The following JAKMIP1 variants were observed in gnomAD, a reference collection of about 807,000 sequenced individuals.
JAKMIP1 encodes the protein janus kinase and microtubule interacting protein 1, also known as janus kinase and microtubule-interacting protein 1.
Under a neutral mutation model 113.0 loss-of-function variants are expected in JAKMIP1, and 33 were observed. The observed-to-expected ratio is 0.29, with a 90% CI of 0.22 to 0.39. The LOEUF (loss-of-function observed/expected upper bound fraction) is 0.39. JAKMIP1 is among the 10% of genes least tolerant of loss of function. JAKMIP1 has a pLI of 1.00. For synonymous variants in JAKMIP1, 480 were observed against 459.9 expected (o/e 1.04, Z -0.56); for missense variants, 813 against 1,080.5 (o/e 0.75, Z 3.47).
chr4:6,170,234 A>T (rs1267995247), intron 1 of JAKMIP1, among the ~76,000 whole-genome samples: 4 of 144,026 alleles, frequency 2.8e-5, no homozygotes, highest in Non-Finnish European at 6.1e-5. Context: ...GCTCTCCACC[A>T]TCACCACCAC....
intron 1 of JAKMIP1, among the ~76,000 whole-genome samples, chr4:6,120,180 CTT>C (rs11370537): frequency 8.3e-4 from 122 of 146,714 alleles, no homozygotes; most frequent in East Asian, 2.2e-3. Flanking sequence ...TCTAGCCACA[CTT>C]TTTTTTTTTT....
chr4:6,069,007 C>G lies in JAKMIP1; in HGVS notation c.1303-3999G>C, dbSNP rs1331742019. Among the ~76,000 whole-genome samples, 1 of 152,034 alleles carries G rather than the reference C, an allele frequency of 6.6e-6. No individual in the cohort carries two copies. Among genetic ancestry groups the G allele is most frequent in the Non-Finnish European group, 1.5e-5 (1 of 68,024 alleles). On this transcript the variant is annotated intron_variant, in intron 8 of 20. Coordinates refer to ENST00000409021, the MANE Select transcript of JAKMIP1 (RefSeq NM_001099433.2). This position sits in a 1 kb window ranked among gnomAD's most constrained non-coding sequence, Gnocchi z 4.5. ...CAGTAAGCCTACATGTACTCGATTT[C>G]TCAATATATTTGTGTCTTTATTAAT... is the stretch of plus-strand genomic sequence containing the variant.
chr4:6,118,625 C>A (rs1008210764), intron 1 of JAKMIP1, among the ~76,000 whole-genome samples: 1 of 152,112 alleles, frequency 6.6e-6, no homozygotes, highest in African/African-American at 2.4e-5. Context: ...CCTTGTCTGG[C>A]CTTCTTAGGC....
rs1726308460 is a variant in JAKMIP1, at chr4:6,183,589, G to T, written c.-148+16664C>A. Among the ~76,000 whole-genome samples, 1 of 152,184 alleles carries T rather than the reference G, an allele frequency of 6.6e-6. No homozygotes were observed. Among genetic ancestry groups the T allele is most frequent in the Non-Finnish European group, 1.5e-5 (1 of 68,038 alleles). On this transcript the variant is annotated intron_variant, in intron 1 of 20. Transcript: ENST00000409021. This position sits in a 1 kb window ranked among gnomAD's most constrained non-coding sequence, Gnocchi z 5.3. ...TGGTTTTCAAACCACCTTCCATGGA[G>T]TCCTGGTGCTCCTTGAAGATGTTTG... is the stretch of plus-strand genomic sequence containing the variant.
chr4:6,112,169 C>A (rs1202634752), intron 2 of JAKMIP1, among the ~76,000 whole-genome samples: 1 of 152,212 alleles, frequency 6.6e-6, no homozygotes, highest in African/African-American at 2.4e-5. Context: ...ACTTAGCAGG[C>A]AAACTAACCA....
rs1450787498 is a variant in JAKMIP1, at chr4:6,137,390, C to A, written c.-147-24393G>T. Among the ~76,000 whole-genome samples, 1 of 152,246 alleles carries A rather than the reference C, an allele frequency of 6.6e-6. No individual in the cohort carries two copies. Among genetic ancestry groups the A allele is most frequent in the Non-Finnish European group, 1.5e-5 (1 of 68,050 alleles). On this transcript the variant is annotated intron_variant, in intron 1 of 20. Transcript: ENST00000409021. This position sits in a 1 kb window ranked among gnomAD's most constrained non-coding sequence, Gnocchi z 4.5. ...CTGTTCCCGTACCTTCGCTGGGAGT[C>A]AGGAAATTCACGGCTCTGGCCCATG... is the stretch of plus-strand genomic sequence containing the variant.
intron 12 of JAKMIP1, among the ~76,000 whole-genome samples, chr4:6,056,431 C>T (rs372451177): frequency 3.3e-5 from 5 of 150,282 alleles, no homozygotes; most frequent in Non-Finnish European, 4.5e-5. Flanking sequence ...CCTGGGAAGA[C>T]AGGCCAGGCC....
At chr4:6,119,700 A>G (rs1473258222) in intron 1 of JAKMIP1, among the ~76,000 whole-genome samples, 1 of 152,216 alleles carries the variant, frequency 6.6e-6, no homozygotes, top group Non-Finnish European at 1.5e-5. Flanking sequence ...TCATCAAGAA[A>G]CCACAATGCC....
rs1560257760 is a variant in JAKMIP1, at chr4:6,139,075, CACACACACATATACACACACACACACACA to C, written c.-147-26107_-147-26079del. ...TTAGAAACACACACACACACACACA[CACACACACATATACACACACACACACACA>C]CCAGCAGGTCAGCCCTGCTCTCCTC... On this transcript the variant is annotated intron_variant, in intron 1 of 20. Transcript: ENST00000409021. This position sits in a 1 kb window ranked among gnomAD's most constrained non-coding sequence, Gnocchi z 5.2. Among the ~76,000 whole-genome samples, 3 of 147,126 alleles carry C rather than the reference CACACACACATATACACACACACACACACA, an allele frequency of 2.0e-5. No homozygotes were observed. Among genetic ancestry groups the C allele is most frequent in the Admixed American group, 6.7e-5 (1 of 14,996 alleles).
At position 6,129,134 on chromosome 4, in the gene JAKMIP1, C is replaced by G. The variant is rs1402610602; in HGVS notation, c.-147-16137G>C. Among the ~76,000 whole-genome samples the G allele has an allele frequency of 6.6e-6, 1 of 152,238 alleles. No homozygotes were observed. Among genetic ancestry groups the G allele is most frequent in the Non-Finnish European group, 1.5e-5 (1 of 68,042 alleles). On this transcript the variant is annotated intron_variant, in intron 1 of 20. Coordinates refer to ENST00000409021, the MANE Select transcript of JAKMIP1 (RefSeq NM_001099433.2). This position sits in a 1 kb window ranked among gnomAD's most constrained non-coding sequence, Gnocchi z 5.4. ...GAAGACATCACACACCCCACTTTCA[C>G]TCCGCACTGTGGGGTGTCTTCACAT...
rs992429283 is a variant in JAKMIP1, at chr4:6,155,713, A to G, written c.-147-42716T>C. Among the ~76,000 whole-genome samples the G allele has an allele frequency of 2.6e-5, 4 of 152,234 alleles. No individual in the cohort carries two copies. The highest frequency in any genetic ancestry group is 2.0e-4 in the Admixed American group (3 of 15,288). On this transcript the variant is annotated intron_variant, in intron 1 of 20. Transcript: ENST00000409021. The surrounding 1 kb of genome is among the most constrained non-coding windows in gnomAD (Gnocchi z 6.1). ...ATATTCACCAACAACTGTATGTCCC[A>G]TGGCACATTTATAGAACGGGATATT...
chr4:6,171,115 C>A (rs576406085), intron 1 of JAKMIP1, among the ~76,000 whole-genome samples: 19 of 150,894 alleles, frequency 1.3e-4, no homozygotes, highest in African/African-American at 4.4e-4. Context: ...ATCATCACCA[C>A]CACATCATCA....
chr4:6,031,543 G>A lies in JAKMIP1; in HGVS notation c.2380-1762C>T, dbSNP rs1201360694. Among the ~76,000 whole-genome samples the A allele has an allele frequency of 6.6e-6, 1 of 152,200 alleles. No homozygotes were observed. The highest frequency in any genetic ancestry group is 6.5e-5 in the Admixed American group (1 of 15,280). On this transcript the variant is annotated intron_variant, in intron 19 of 20. Coordinates refer to ENST00000409021, the MANE Select transcript of JAKMIP1 (RefSeq NM_001099433.2). This position sits in a 1 kb window ranked among gnomAD's most constrained non-coding sequence, Gnocchi z 4.4. Reference sequence around the variant, plus strand: ...GAAAGGAATTCCAGGCAGAGGGAACGGCATGTGCAGGAGGCCAAGAGGCCT... The same window carrying A: ...GAAAGGAATTCCAGGCAGAGGGAACAGCATGTGCAGGAGGCCAAGAGGCCT...
chr4:6,177,545 T>C (rs976067426), intron 1 of JAKMIP1, among the ~76,000 whole-genome samples: 1 of 152,170 alleles, frequency 6.6e-6, no homozygotes, highest in African/African-American at 2.4e-5. Flanking sequence ...CAGTTGGACC[T>C]AGAGTCAAAT....
At chr4:6,148,678 G>A (rs1008818577) in intron 1 of JAKMIP1, among the ~76,000 whole-genome samples, 2 of 152,214 alleles carry the variant, frequency 1.3e-5, no homozygotes, top group African/African-American at 2.4e-5. Context: ...CCCAATAAAC[G>A]GCAGCCCTGC....
At position 6,080,114 on chromosome 4, in the gene JAKMIP1, C is replaced by A; in HGVS notation, c.1242+58G>T. 4 of 1,518,572 alleles carry A rather than the reference C, an allele frequency of 2.6e-6. No individual in the cohort carries two copies. Among genetic ancestry groups the A allele is most frequent in the Non-Finnish European group, 3.5e-6 (4 of 1,128,276 alleles). 94.1% of individuals were successfully genotyped at this position (1,518,572 alleles called of 1,614,324 possible). A position where few individuals can be genotyped will look rare whatever the true frequency, so the allele number is the denominator to read the frequency against. ...GAGCCCCAACACCCGTTCCTGACAC[C>A]CATGTCAGCTGGTGCCACCCCTGCC... On this transcript the variant is annotated intron_variant, in intron 7 of 20. Transcript: ENST00000409021. This position sits in a 1 kb window ranked among gnomAD's most constrained non-coding sequence, Gnocchi z 6.0.
intron 1 of JAKMIP1, among the ~76,000 whole-genome samples, chr4:6,126,910 A>G (rs897150683): frequency 6.6e-5 from 10 of 151,474 alleles, no homozygotes; most frequent in African/African-American, 2.4e-4. Context: ...CCACAGATAC[A>G]CACCACACAC....
chr4:6,133,077 T>C (rs930017207), intron 1 of JAKMIP1, among the ~76,000 whole-genome samples: 1 of 152,020 alleles, frequency 6.6e-6, no homozygotes, highest in Non-Finnish European at 1.5e-5. Context: ...GATAAAAATG[T>C]CATTATAAAA....
Position 6,141,798 on chromosome 4 carries a change from C to A in JAKMIP1, c.-147-28801G>T, listed in dbSNP as rs1330797619. The stretch of plus-strand genomic sequence containing the variant: ...GTCCACTCTTCGGCAACCTCCCTGG[C>A]CACTGAGCAGCCCGGTGGGAGCGGA... On this transcript the variant is annotated intron_variant, in intron 1 of 20. Transcript: ENST00000409021. The surrounding 1 kb of genome is among the most constrained non-coding windows in gnomAD (Gnocchi z 9.4). Among the ~76,000 whole-genome samples the A allele has an allele frequency of 6.6e-6, 1 of 152,202 alleles. No individual in the cohort carries two copies. The highest frequency in any genetic ancestry group is 2.1e-4 in the South Asian group (1 of 4,820).
Sources: gnomAD v4.1 joint callset for allele counts (sites outside exome capture counted in the v4.1 genomes callset) on GRCh38, gnomAD v4.1.1 for gene constraint, Gnocchi (gnomAD v3.1) non-coding constraint, MANE v1.5 for transcripts, NCBI Gene and HGNC (gene_info 2026-07-23, HGNC 2026-07-21) for gene names.